IQCK: variants seen among roughly 807,000 people sequenced by gnomAD.
IQCK encodes IQ domain-containing protein K.
A neutral mutation model predicts 28.1 loss-of-function variants in IQCK; 29 were observed. The observed-to-expected ratio is 1.03, with a 90% CI of 0.77 to 1.41. IQCK has a LOEUF of 1.41. IQCK is among the 40% of genes most tolerant of loss of function. The pLI is 0.00. For synonymous variants in IQCK, 113 were observed against 115.1 expected (o/e 0.98, Z 0.12); for missense variants, 359 against 314.7 (o/e 1.14, Z -1.07).
intron 1 of IQCK, among the ~76,000 whole-genome samples, chr16:19,718,871 T>A (rs181035321): frequency 6.6e-6 from 1 of 152,338 alleles, no homozygotes; most frequent in East Asian, 1.9e-4. Flanking sequence ...CCACAGAGCT[T>A]CAAATTGGGA....
At position 19,781,077 on chromosome 16, in the gene IQCK, T is replaced by C. The variant is rs143425998; in HGVS notation, c.606-7761T>C. Reference sequence around the variant, plus strand: ...GGTAGGTGGTCTGCTCTTCTGAACATCCCCCTTGCCTGGGCCCACCCTTTA... The same window carrying C: ...GGTAGGTGGTCTGCTCTTCTGAACACCCCCCTTGCCTGGGCCCACCCTTTA... On this transcript the variant is annotated intron_variant, in intron 6 of 7. Transcript: ENST00000564186. 4.2e-3 allele frequency among the ~76,000 whole-genome samples: 642 copies of C among 152,094 alleles called. 5 individuals are homozygous for C. The highest frequency in any genetic ancestry group is 0.014 in the African/African-American group (590 of 41,476).
chr16:19,726,960 C>T (rs919684062), intron 1 of IQCK, among the ~76,000 whole-genome samples: 1 of 151,732 alleles, frequency 6.6e-6, no homozygotes, highest in African/African-American at 2.4e-5. Context: ...ATGATGAAAC[C>T]CTGTCTCTAA....
intron 1 of IQCK, among the ~76,000 whole-genome samples, chr16:19,724,648 CGTCCTGA>C (rs1172814996): frequency 1.3e-5 from 2 of 152,228 alleles, no homozygotes; most frequent in East Asian, 3.9e-4. Context: ...CCTGCCTCAG[CGTCCTGA>C]GTAGCTGGGA....
At chr16:19,760,491 C>T (rs2055121733) in intron 4 of IQCK, among the ~76,000 whole-genome samples, 1 of 152,112 alleles carries the variant, frequency 6.6e-6, no homozygotes, top group South Asian at 2.1e-4. Flanking sequence ...CTTTCAGGAG[C>T]GGCTGGGCTT....
intron 2 of IQCK, 23 bp downstream of exon 2, chr16:19,730,517 C>A (rs1390856675): frequency 6.4e-7 from 1 of 1,552,520 alleles, no homozygotes. Flanking sequence ...TAGGCCTCAA[C>A]CGAAGCAAGA....
At chr16:19,720,116 C>T (rs1359332954) in intron 1 of IQCK, among the ~76,000 whole-genome samples, 2 of 152,138 alleles carry the variant, frequency 1.3e-5, no homozygotes, top group African/African-American at 4.8e-5. Context: ...GTGGAGAATA[C>T]AGAGAAGGAA....
chr16:19,732,310 A>G (rs545318368), intron 2 of IQCK, among the ~76,000 whole-genome samples: 60 of 152,236 alleles, frequency 3.9e-4, no homozygotes, highest in Non-Finnish European at 6.5e-4. Flanking sequence ...GCTTTCTTCT[A>G]CTGCTGTACT....
At chr16:19,739,460 A>G (rs2054802345) in intron 4 of IQCK, among the ~76,000 whole-genome samples, 2 of 152,220 alleles carry the variant, frequency 1.3e-5, no homozygotes, top group South Asian at 2.1e-4. Context: ...AAATCCAGGT[A>G]ATTGCTCTCC....
intron 4 of IQCK, chr16:19,735,904 AT>A: frequency 6.3e-5 from 21 of 333,970 alleles, no homozygotes; most frequent in Admixed American, 1.2e-4. Context: ...TCTAAAAAAA[AT>A]TTTTTTTTAA....
At chr16:19,761,404 A>G (rs2055140627) in intron 4 of IQCK, 1 of 455,964 alleles carries the variant, frequency 2.2e-6, no homozygotes, top group Non-Finnish European at 4.4e-6. Context: ...GTGAACCATG[A>G]AAAGCAGCTT....
rs552729060 is a variant in IQCK, at chr16:19,808,357, T to C, written c.691-18669T>C. Among the ~76,000 whole-genome samples, 5 of 152,310 alleles carry C rather than the reference T, an allele frequency of 3.3e-5. No individual in the cohort carries two copies. In the East Asian group the frequency reaches 5.8e-4, roughly 18 times the overall value. ...TCCCTTTTTATTTGCTCAGTCACAA[T>C]GTACCCCCAGTATGTGACGAAAACT... is the stretch of plus-strand genomic sequence containing the variant. On this transcript the variant is annotated intron_variant, in intron 7 of 7. Transcript: ENST00000564186.
intron 7 of IQCK, among the ~76,000 whole-genome samples, chr16:19,808,047 A>G (rs1158689312): frequency 6.6e-6 from 1 of 152,150 alleles, no homozygotes; most frequent in Non-Finnish European, 1.5e-5. Flanking sequence ...TGTGCCCAGC[A>G]TGATTCCAGC....
rs778162526 is a variant in IQCK, at chr16:19,777,524, G to A, written c.606-11314G>A. Among the ~76,000 whole-genome samples the A allele has an allele frequency of 2.6e-5, 4 of 152,020 alleles. 1 individual carries two copies. Among genetic ancestry groups the A allele is most frequent in the African/African-American group, 7.3e-5 (3 of 41,370 alleles). ...AGATTTCTTCTGTGTCAGTAATTTC[G>A]GAGGCCAGAGAGTCCCAAGAGGATA... On this transcript the variant is annotated intron_variant, in intron 6 of 7. Coordinates refer to ENST00000564186, the Ensembl canonical transcript of IQCK.
intron 9 of IQCK, among the ~76,000 whole-genome samples, chr16:19,853,269 C>T (rs563714275): frequency 2.6e-5 from 4 of 152,238 alleles, no homozygotes; most frequent in Admixed American, 1.3e-4. Flanking sequence ...GGAGGCTCCA[C>T]GTCACACCTT....
intron 1 of IQCK, among the ~76,000 whole-genome samples, chr16:19,720,127 G>A (rs557409497): frequency 1.3e-5 from 2 of 152,352 alleles, no homozygotes; most frequent in African/African-American, 4.8e-5. Context: ...AGAGAAGGAA[G>A]AGAATAGTAG....
At chr16:19,720,763 T>G (rs1977467327) in intron 1 of IQCK, among the ~76,000 whole-genome samples, 2 of 152,186 alleles carry the variant, frequency 1.3e-5, no homozygotes, top group Non-Finnish European at 2.9e-5. Flanking sequence ...ACACCTGTAA[T>G]CCCAGCACTT....
intron 7 of IQCK, among the ~76,000 whole-genome samples, chr16:19,826,218 G>C (rs1165839434): frequency 2.0e-5 from 3 of 152,062 alleles, no homozygotes; most frequent in Non-Finnish European, 2.9e-5. Context: ...ATGTTGCCCA[G>C]GCTGGTCTTG....
chr16:19,833,087 T>TTG (rs1409405706), intron 9 of IQCK, among the ~76,000 whole-genome samples: 1 of 152,096 alleles, frequency 6.6e-6, no homozygotes, highest in Non-Finnish European at 1.5e-5. Flanking sequence ...TAGTTACGAT[T>TTG]TGTGTGTGTG....
chr16:19,833,783 G>A (rs1183974028), intron 9 of IQCK, among the ~76,000 whole-genome samples: 2 of 152,114 alleles, frequency 1.3e-5, no homozygotes, highest in East Asian at 1.9e-4. Flanking sequence ...TCATCTTACC[G>A]CCCCACCTGC....
Sources: allele counts gnomAD v4.1 joint callset (sites outside exome capture counted in the v4.1 genomes callset), GRCh38; gene constraint gnomAD v4.1.1; transcripts MANE v1.5; gene names NCBI Gene and HGNC (gene_info 2026-07-23, HGNC 2026-07-21).